OCM: variants seen among roughly 807,000 people sequenced by gnomAD.
The protein encoded by OCM is oncomodulin-1.
In OCM, 18 loss-of-function variants were observed where a neutral mutation model predicts 14.1. The observed-to-expected ratio is 1.28, with a 90% CI of 0.88 to 1.89. The LOEUF (loss-of-function observed/expected upper bound fraction) is 1.89, where lower values mean the gene tolerates loss of function less well. Ranked by LOEUF, OCM falls within the 40% of genes most tolerant of loss-of-function variation. The pLI, the probability that OCM is intolerant of heterozygous loss-of-function variation, is 0.00. For missense variants in OCM, 140 were observed against 137.6 expected (o/e 1.02, Z -0.09); for synonymous variants, 48 against 51.0 (o/e 0.94, Z 0.25).
At chr7:5,862,018 G>A in the OCM span, among the ~76,000 whole-genome samples, 1 of 152,158 alleles carries the variant, frequency 6.6e-6, no homozygotes, top group African/African-American at 2.4e-5. Context: ...TCCTGCGTCA[G>A]CCTCCTGAGT....
the OCM span, chr7:5,871,988 G>C: frequency 1.3e-5 from 2 of 152,340 alleles, no homozygotes; most frequent in Admixed American, 1.3e-4. Flanking sequence ...CCGGGTTCAA[G>C]CAATCCTCCT....
intron 3 of OCM, among the ~76,000 whole-genome samples, chr7:5,884,565 T>TA (rs1449318469): frequency 1.3e-5 from 2 of 152,254 alleles, no homozygotes; most frequent in East Asian, 1.9e-4. Context: ...TAGAATACAC[T>TA]AGCACAGCTG....
upstream of OCM, among the ~76,000 whole-genome samples, chr7:5,880,586 C>A (rs1349040673): frequency 6.6e-6 from 1 of 152,014 alleles, no homozygotes; most frequent in Non-Finnish European, 1.5e-5. Flanking sequence ...TGGCAAAACC[C>A]CGTCTCTACT....
upstream of OCM, among the ~76,000 whole-genome samples, chr7:5,875,423 G>A (rs1361841590): frequency 1.3e-5 from 2 of 151,972 alleles, no homozygotes; most frequent in Admixed American, 1.3e-4. Flanking sequence ...GCGCCTCATT[G>A]ATTCAGAAAA....
chr7:5,883,141 C>T (rs999783784), intron 2 of OCM, among the ~76,000 whole-genome samples: 11 of 151,984 alleles, frequency 7.2e-5, no homozygotes, highest in Admixed American at 5.2e-4. Flanking sequence ...TGTGCCCAGC[C>T]ACAAAGATTC....
At chr7:5,879,830 A>T (rs1781172590), upstream of OCM, 1 of 151,806 alleles carries the variant, frequency 6.6e-6, no homozygotes, top group Non-Finnish European at 1.5e-5. Context: ...TTGAAAAGGA[A>T]ATCTAAGAGG....
At chr7:5,882,195 G>A (rs1781233090) in intron 1 of OCM, among the ~76,000 whole-genome samples, 1 of 151,540 alleles carries the variant, frequency 6.6e-6, no homozygotes, top group South Asian at 2.1e-4. Context: ...GATGCTGGGG[G>A]CTCAGCCACA....
chr7:5,881,402 G>A (rs1024707324), intron 1 of OCM, among the ~76,000 whole-genome samples: 3 of 150,836 alleles, frequency 2.0e-5, no homozygotes, highest in South Asian at 2.1e-4. Context: ...TGAGAGGACT[G>A]TTTGAGCCCA....
chr7:5,863,211 CTGCT>C, the OCM span, among the ~76,000 whole-genome samples: 8 of 152,126 alleles, frequency 5.3e-5, no homozygotes, highest in Non-Finnish European at 1.2e-4. Flanking sequence ...TTTATCCCTC[CTGCT>C]TGCTCTTTCC....
upstream of OCM, among the ~76,000 whole-genome samples, chr7:5,879,241 C>G (rs1300521196): frequency 2.6e-5 from 4 of 152,118 alleles, no homozygotes; most frequent in Non-Finnish European, 5.9e-5. Context: ...CTGGCCTCAG[C>G]CTCAGAATAT....
the OCM span, among the ~76,000 whole-genome samples, chr7:5,860,410 GTATA>G: frequency 7.8e-6 from 1 of 128,562 alleles, no homozygotes; most frequent in Admixed American, 9.3e-5. Flanking sequence ...GTATATATAC[GTATA>G]TATATATTAC....
chr7:5,860,825 T>TAC, the OCM span, among the ~76,000 whole-genome samples: 218 of 142,356 alleles, frequency 1.5e-3, 2 homozygotes, highest in Non-Finnish European at 2.0e-3. Flanking sequence ...TACATATATA[T>TAC]ACACACACAC....
chr7:5,877,007 C>T (rs528216612), upstream of OCM, among the ~76,000 whole-genome samples: 12 of 152,116 alleles, frequency 7.9e-5, no homozygotes, highest in South Asian at 1.2e-3. Flanking sequence ...GGTTTCTCCA[C>T]GTGGGTCAGG....
chr7:5,869,053 A>G, the OCM span, among the ~76,000 whole-genome samples: 1 of 151,826 alleles, frequency 6.6e-6, no homozygotes, highest in African/African-American at 2.4e-5. Context: ...ACAGAGTGAG[A>G]CTCTGTCTCA....
At chr7:5,881,058 C>G (rs1487649807) in intron 1 of OCM, 108 bp downstream of exon 1, 1 of 1,089,606 alleles carries the variant, frequency 9.2e-7, no homozygotes, top group Non-Finnish European at 1.4e-6. Context: ...GTGGCTCACA[C>G]CTGTAATCCC....
the OCM span, among the ~76,000 whole-genome samples, chr7:5,870,365 A>G: frequency 2.6e-5 from 4 of 152,156 alleles, no homozygotes; most frequent in Non-Finnish European, 5.9e-5. Context: ...TCCCTGCCTC[A>G]GCCTCCCAAA....
the OCM span, among the ~76,000 whole-genome samples, chr7:5,862,880 A>G: frequency 1.3e-5 from 2 of 151,964 alleles, no homozygotes; most frequent in East Asian, 3.9e-4. Context: ...TGAATGCATC[A>G]TGGACTCTTT....
the OCM span, among the ~76,000 whole-genome samples, chr7:5,862,234 G>C: frequency 1.3e-5 from 2 of 152,140 alleles, no homozygotes; most frequent in Non-Finnish European, 2.9e-5. Flanking sequence ...ATGCCAAAGA[G>C]AAAGTCAAGC....
chr7:5,860,099 C>G, the OCM span, among the ~76,000 whole-genome samples: 2 of 151,990 alleles, frequency 1.3e-5, no homozygotes, highest in Admixed American at 6.6e-5. Context: ...CAAGTGAAGA[C>G]AGATAAAAAT....
Sources: allele counts gnomAD v4.1 joint callset (sites outside exome capture counted in the v4.1 genomes callset), GRCh38; gene constraint gnomAD v4.1.1; transcripts MANE v1.5; gene names NCBI Gene and HGNC (gene_info 2026-07-23, HGNC 2026-07-21).